The following LRCH1 variants were observed in gnomAD, a reference collection of about 807,000 sequenced individuals.
LRCH1 encodes leucine-rich repeat and calponin homology domain-containing protein 1.
A neutral mutation model predicts 94.9 loss-of-function variants in LRCH1; 23 were observed. The ratio of observed to expected loss-of-function variants is 0.24; its 90% CI spans 0.17 to 0.34. The LOEUF is 0.34. Among genes scored for constraint, LRCH1 ranks in the 10% least tolerant of loss-of-function variants. LRCH1 has a pLI of 1.00. For synonymous variants in LRCH1, 364 were observed against 354.9 expected (o/e 1.03, Z -0.29); for missense variants, 790 against 945.9 (o/e 0.84, Z 2.16).
chr13:46,678,490 G>T (rs1747232), intron 3 of LRCH1, among the ~76,000 whole-genome samples: 22,339 of 151,966 alleles, frequency 0.15, 2,051 homozygotes, highest in African/African-American at 0.26. Flanking sequence ...TTATTTGTCA[G>T]GACAGGAAGT....
chr13:46,635,761 G>A (rs957154179), intron 1 of LRCH1, among the ~76,000 whole-genome samples: 6 of 146,788 alleles, frequency 4.1e-5, no homozygotes, highest in South Asian at 4.4e-4. Context: ...GTGAGCCACC[G>A]CACCCGGCCC....
intron 10 of LRCH1, among the ~76,000 whole-genome samples, chr13:46,700,705 A>G (rs187646633): frequency 1.3e-5 from 2 of 152,292 alleles, no homozygotes; most frequent in Admixed American, 1.3e-4. Context: ...CTGAAACCCT[A>G]TATGCATGAA....
chr13:46,573,868 T>TATATATATATATATATATATATATA (rs1374087114), intron 1 of LRCH1, among the ~76,000 whole-genome samples: 4 of 40,460 alleles, frequency 9.9e-5, no homozygotes, highest in African/African-American at 2.6e-4. Flanking sequence ...ATATATATAT[T>TATATATATATATATATATATATATA]TTTTTTTTTT....
intron 1 of LRCH1, among the ~76,000 whole-genome samples, chr13:46,623,591 G>A (rs1003285821): frequency 6.0e-5 from 9 of 151,116 alleles, no homozygotes; most frequent in Non-Finnish European, 1.2e-4. Context: ...GTTTAAGTCT[G>A]TCACCTTTCC....
chr13:46,619,809 T>C (rs2050860425), intron 1 of LRCH1, among the ~76,000 whole-genome samples: 1 of 152,226 alleles, frequency 6.6e-6, no homozygotes, highest in Non-Finnish European at 1.5e-5. Flanking sequence ...TTCATGTGTT[T>C]AGAATTGTAG....
intron 1 of LRCH1, among the ~76,000 whole-genome samples, chr13:46,608,233 G>A (rs571187541): frequency 6.6e-6 from 1 of 152,312 alleles, no homozygotes; most frequent in South Asian, 2.1e-4. Context: ...GGGCAGAAAA[G>A]TGCAGACGTG....
chr13:46,662,281 A>G (rs2051458555), intron 2 of LRCH1, among the ~76,000 whole-genome samples: 1 of 152,168 alleles, frequency 6.6e-6, no homozygotes, highest in African/African-American at 2.4e-5. Flanking sequence ...TATCTTTCCT[A>G]GTCATTTAGT....
intron 1 of LRCH1, among the ~76,000 whole-genome samples, chr13:46,599,301 A>G (rs985097088): frequency 6.6e-6 from 1 of 152,170 alleles, no homozygotes; most frequent in Non-Finnish European, 1.5e-5. Context: ...GCTGCCATGA[A>G]CGTGGGTTTG....
rs1002611022 is a variant in LRCH1, at chr13:46,721,021, G to C, written c.1760-2200G>C. On this transcript the variant is annotated intron_variant, in intron 16 of 19. Coordinates refer to ENST00000389797, the MANE Select transcript of LRCH1 (RefSeq NM_001164211.2). ...CACTTTTGGTTGCCTAACATTCATA[G>C]AGCAAATGCCCACACATGCATGTTA... Among the ~76,000 whole-genome samples the C allele has an allele frequency of 1.3e-4, 20 of 152,120 alleles. 1 individual carries two copies. The highest frequency in any genetic ancestry group is 2.8e-4 in the Non-Finnish European group (19 of 68,014).
chr13:46,648,996 G>T (rs771381917), intron 1 of LRCH1, among the ~76,000 whole-genome samples: 3 of 152,078 alleles, frequency 2.0e-5, no homozygotes, highest in South Asian at 2.1e-4. Context: ...AAAAAAGGAC[G>T]ATTTTATGTT....
At chr13:46,711,969 G>T in intron 14 of LRCH1, 125 bp downstream of exon 14, 1 of 662,820 alleles carries the variant, frequency 1.5e-6, no homozygotes, top group African/African-American at 1.8e-5. Context: ...GGGGGAATCC[G>T]TCTAACTCTC....
rs1291213489 is a variant in LRCH1 at position 46,742,369 on chromosome 13, A to T, written c.*521A>T. 1.0e-4 allele frequency: 102 copies of T among 993,082 alleles called. No homozygotes were observed. Among genetic ancestry groups the T allele is most frequent in the Non-Finnish European group, 1.2e-4 (101 of 834,312 alleles). 61.5% of individuals were successfully genotyped at this position (993,082 alleles called of 1,614,324 possible). On this transcript the variant is annotated 3_prime_UTR_variant, in exon 20 of 20. Transcript: ENST00000389797. ...ATCTATACAAAACTTTAATAATACC[A>T]CTACTGACCAAGTTGGACGTGTACA...
chr13:46,660,167 A>G (rs1162567786), intron 2 of LRCH1, among the ~76,000 whole-genome samples: 1 of 149,262 alleles, frequency 6.7e-6, no homozygotes, highest in Non-Finnish European at 1.5e-5. Context: ...GCCCGCCACC[A>G]CGCCCGGCTA....
chr13:46,693,771 C>T (rs1871033773), intron 8 of LRCH1, among the ~76,000 whole-genome samples: 1 of 152,108 alleles, frequency 6.6e-6, no homozygotes, highest in Non-Finnish European at 1.5e-5. Flanking sequence ...TTTGATTGCC[C>T]CTGTTTCCCC....
intron 1 of LRCH1, among the ~76,000 whole-genome samples, chr13:46,621,129 C>G (rs889381736): frequency 1.1e-4 from 16 of 152,244 alleles, no homozygotes; most frequent in Non-Finnish European, 2.4e-4. Context: ...TCATCTTTCT[C>G]TTACTCTCTA....
intron 16 of LRCH1, among the ~76,000 whole-genome samples, chr13:46,722,861 T>G (rs1213517056): frequency 6.6e-6 from 1 of 152,238 alleles, no homozygotes; most frequent in Non-Finnish European, 1.5e-5. Context: ...TTATCTGAAT[T>G]TAATGAAAGG....
At position 46,569,844 on chromosome 13, in the gene LRCH1, C is replaced by G. The variant is rs150571036; in HGVS notation, c.307+16141C>G. On this transcript the variant is annotated intron_variant, in intron 1 of 19. Transcript: ENST00000389797. ...CACTTGCCAAATAAAATAAACAAAA[C>G]AAAACAATGACAGACCCCAGCTCTC... 4.1e-3 allele frequency among the ~76,000 whole-genome samples: 620 copies of G among 152,180 alleles called. 5 individuals carry two copies. Among genetic ancestry groups the G allele is most frequent in the African/African-American group, 0.013 (559 of 41,520 alleles).
intron 1 of LRCH1, among the ~76,000 whole-genome samples, chr13:46,570,528 C>T (rs2050230404): frequency 6.6e-6 from 1 of 152,294 alleles, no homozygotes; most frequent in Admixed American, 6.5e-5. Context: ...TAGAGATGCT[C>T]CACTGCGTGC....
At position 46,742,028 on chromosome 13, in the gene LRCH1, A is replaced by G; in HGVS notation, c.*180A>G. On this transcript the variant is annotated 3_prime_UTR_variant, in exon 20 of 20. Coordinates refer to ENST00000389797, the MANE Select transcript of LRCH1 (RefSeq NM_001164211.2). ...CAGAAGCACAAACTTTGTAGAATAC[A>G]GTTTAGTATAATTCCTCTCACTTAC... 6.9e-7 allele frequency: 1 copy of G among 1,452,366 alleles called. No homozygotes were observed. Among genetic ancestry groups the G allele is most frequent in the Non-Finnish European group, 9.0e-7 (1 of 1,109,880 alleles). The allele number at this position is 1,452,366 out of a possible 1,614,324, so 90.0% of individuals were successfully genotyped here.
Sources: gnomAD v4.1 joint callset for allele counts (sites outside exome capture counted in the v4.1 genomes callset) on GRCh38, gnomAD v4.1.1 for gene constraint, MANE v1.5 for transcripts, NCBI Gene and HGNC (gene_info 2026-07-23, HGNC 2026-07-21) for gene names.